LHFPL3: variants seen among roughly 807,000 people sequenced by gnomAD.
LHFPL3 encodes the protein LHFPL tetraspan subfamily member 3, also known as LHFPL tetraspan subfamily member 3 protein.
A neutral mutation model predicts 19.3 loss-of-function variants in LHFPL3; 5 were observed. The observed-to-expected ratio is 0.26, with a 90% CI of 0.14 to 0.54. The LOEUF is 0.54. Among genes scored for constraint, LHFPL3 ranks in the 20% least tolerant of loss-of-function variants. The probability of loss-of-function intolerance (pLI) is 0.94; values close to 1 mark genes in which losing one functional copy is unlikely to be tolerated. For synonymous variants in LHFPL3, 133 were observed against 126.2 expected, an observed-to-expected ratio of 1.05 and a Z score of -0.36; for missense variants, 249 against 307.4, an observed-to-expected ratio of 0.81 and a Z score of 1.42.
intron 2 of LHFPL3, among the ~76,000 whole-genome samples, chr7:104,854,954 C>T (rs988019957): frequency 6.6e-6 from 1 of 151,856 alleles, no homozygotes; most frequent in Non-Finnish European, 1.5e-5. Flanking sequence ...CCCAAACACA[C>T]CTTTCTCTGC....
At chr7:104,525,950 A>G (rs1283072258) in intron 1 of LHFPL3, among the ~76,000 whole-genome samples, 1 of 151,924 alleles carries the variant, frequency 6.6e-6, no homozygotes, top group Non-Finnish European at 1.5e-5. Flanking sequence ...GCTTTATCCT[A>G]TAGGTAGGCA....
chr7:104,659,798 T>C (rs1256921586), intron 1 of LHFPL3, among the ~76,000 whole-genome samples: 1 of 152,134 alleles, frequency 6.6e-6, no homozygotes, highest in East Asian at 1.9e-4. Flanking sequence ...TGTAGAAGGT[T>C]GTCTTGCTTT....
intron 2 of LHFPL3, among the ~76,000 whole-genome samples, chr7:104,807,068 C>T (rs1790375408): frequency 7.2e-6 from 1 of 138,358 alleles, no homozygotes; most frequent in South Asian, 2.4e-4. Context: ...AGAGTCCTAA[C>T]CCCCTGTACC....
intron 2 of LHFPL3, among the ~76,000 whole-genome samples, chr7:104,789,365 T>C (rs554505913): frequency 6.6e-6 from 1 of 152,260 alleles, no homozygotes; most frequent in African/African-American, 2.4e-5. Context: ...ATAAGTGAGT[T>C]AGAACGACTC....
rs188928427 is a variant in LHFPL3, at chr7:104,830,963, A to T, written c.683-75224A>T. On this transcript the variant is annotated intron_variant, in intron 2 of 2. Transcript: ENST00000424859. Reference sequence around the variant, plus strand: ...GGTTTACACCTGCTGGCTTGACATAATTGTTAATAACACCCCCTTTCACTC... The same window carrying T: ...GGTTTACACCTGCTGGCTTGACATATTTGTTAATAACACCCCCTTTCACTC... Among the ~76,000 whole-genome samples the T allele has an allele frequency of 4.5e-3, 680 of 151,972 alleles. 3 individuals carry two copies. The highest frequency in any genetic ancestry group is 6.0e-3 in the Non-Finnish European group (407 of 68,016).
At chr7:104,512,991 C>T (rs993430295) in intron 1 of LHFPL3, among the ~76,000 whole-genome samples, 1 of 152,126 alleles carries the variant, frequency 6.6e-6, no homozygotes, top group African/African-American at 2.4e-5. Flanking sequence ...AATTTGACAT[C>T]TATGGATATA....
chr7:104,357,757 TTCC>T (rs143282110), intron 1 of LHFPL3, among the ~76,000 whole-genome samples: 4 of 151,388 alleles, frequency 2.6e-5, no homozygotes, highest in African/African-American at 7.3e-5. Context: ...ATTTCTCCTC[TTCC>T]TCCTCCTCCT....
chr7:104,569,570 G>A (rs1339801687), intron 1 of LHFPL3, among the ~76,000 whole-genome samples: 6 of 152,132 alleles, frequency 3.9e-5, no homozygotes, highest in Admixed American at 1.3e-4. Flanking sequence ...TTTACTATAC[G>A]AAAATAGATT....
intron 1 of LHFPL3, among the ~76,000 whole-genome samples, chr7:104,577,037 A>G (rs988192961): frequency 6.6e-6 from 1 of 152,196 alleles, no homozygotes; most frequent in Admixed American, 6.5e-5. Context: ...CTTATAAGGC[A>G]CTTCAAAATC....
intron 1 of LHFPL3, among the ~76,000 whole-genome samples, chr7:104,604,363 A>T (rs1791048841): frequency 6.6e-6 from 1 of 151,972 alleles, no homozygotes; most frequent in South Asian, 2.1e-4. Flanking sequence ...GTCCCCCAAA[A>T]CTATTCTGCC....
At chr7:104,474,687 C>CAAAAAAAAAA (rs928431129) in intron 1 of LHFPL3, among the ~76,000 whole-genome samples, 3 of 41,024 alleles carry the variant, frequency 7.3e-5, no homozygotes, top group Non-Finnish European at 1.1e-4. Context: ...ACAACAACAA[C>CAAAAAAAAAA]AAAAAAAAAA....
At chr7:104,491,209 C>T (rs960197047) in intron 1 of LHFPL3, among the ~76,000 whole-genome samples, 4 of 152,090 alleles carry the variant, frequency 2.6e-5, no homozygotes, top group African/African-American at 7.2e-5. Context: ...CCTTTTGCAT[C>T]AGCAATCAGA....
At chr7:104,541,169 AG>A (rs1794480322) in intron 1 of LHFPL3, among the ~76,000 whole-genome samples, 1 of 149,670 alleles carries the variant, frequency 6.7e-6, no homozygotes, top group Non-Finnish European at 1.5e-5. Context: ...TAACTCCTTC[AG>A]TTCCAAAGGG....
chr7:104,508,519 T>G (rs1793745416), intron 1 of LHFPL3, among the ~76,000 whole-genome samples: 1 of 149,422 alleles, frequency 6.7e-6, no homozygotes, highest in South Asian at 2.2e-4. Flanking sequence ...AGATGACGAG[T>G]TAGTGGGTGC....
At chr7:104,486,868 T>G (rs1793247216) in intron 1 of LHFPL3, among the ~76,000 whole-genome samples, 2 of 152,196 alleles carry the variant, frequency 1.3e-5, no homozygotes, top group South Asian at 4.1e-4. Context: ...TCTTATTCAT[T>G]GCTATAAATA....
intron 1 of LHFPL3, among the ~76,000 whole-genome samples, chr7:104,416,985 C>T (rs140299174): frequency 3.3e-5 from 5 of 152,326 alleles, no homozygotes; most frequent in African/African-American, 9.6e-5. Context: ...TCAATTCATG[C>T]AGACAGATAC....
At chr7:104,569,149 G>A (rs928007860) in intron 1 of LHFPL3, among the ~76,000 whole-genome samples, 2 of 152,106 alleles carry the variant, frequency 1.3e-5, no homozygotes, top group Non-Finnish European at 1.5e-5. Context: ...ACAGAGAATT[G>A]GAAAGTGAAA....
chr7:104,832,891 T>C (rs6953721), intron 2 of LHFPL3, among the ~76,000 whole-genome samples: 134,284 of 136,572 alleles, frequency 0.98, 66,072 homozygotes, highest in Middle Eastern at 1. Flanking sequence ...GCAGGAGAAT[T>C]GCTTGAACCT....
At chr7:104,680,905 T>G (rs1792682190) in intron 1 of LHFPL3, among the ~76,000 whole-genome samples, 1 of 152,158 alleles carries the variant, frequency 6.6e-6, no homozygotes, top group Admixed American at 6.5e-5. Context: ...TAGCCTGGTG[T>G]GAAATGTTTA....
Sources: gnomAD v4.1 joint callset for allele counts (sites outside exome capture counted in the v4.1 genomes callset) on GRCh38, gnomAD v4.1.1 for gene constraint, MANE v1.5 for transcripts, NCBI Gene and HGNC (gene_info 2026-07-23, HGNC 2026-07-21) for gene names.